MYO18B: variants seen among roughly 807,000 people sequenced by gnomAD.
The protein encoded by MYO18B is unconventional myosin-XVIIIb.
Under a neutral mutation model 273.0 loss-of-function variants are expected in MYO18B, and 204 were observed. The ratio of observed to expected loss-of-function variants is 0.75; its 90% CI spans 0.67 to 0.84. The LOEUF is 0.84. Ranked by LOEUF, MYO18B falls within the 40% of genes least tolerant of loss-of-function variation. MYO18B has a pLI of 0.00. For missense variants in MYO18B, 3,212 were observed against 3,287.6 expected, an observed-to-expected ratio of 0.98 and a Z score of 0.56; for synonymous variants, 1,330 against 1,305.7, an observed-to-expected ratio of 1.02 and a Z score of -0.40.
At chr22:25,810,376 G>A (rs2088689087) in intron 12 of MYO18B, among the ~76,000 whole-genome samples, 1 of 148,394 alleles carries the variant, frequency 6.7e-6, no homozygotes, top group African/African-American at 2.5e-5. Flanking sequence ...GGGATTACAG[G>A]TGTGAGCCAC....
At chr22:25,759,154 C>T (rs1280081847) in intron 1 of MYO18B, among the ~76,000 whole-genome samples, 2 of 152,064 alleles carry the variant, frequency 1.3e-5, no homozygotes, top group Non-Finnish European at 2.9e-5. Flanking sequence ...TTATGACATA[C>T]AAATAATACC....
At chr22:26,058,670 G>A in the MYO18B span, among the ~76,000 whole-genome samples, 7 of 152,182 alleles carry the variant, frequency 4.6e-5, no homozygotes, top group Admixed American at 2.0e-4. Context: ...TCCTGCAAGC[G>A]CTGGTTGTTA....
At chr22:25,902,485 C>T (rs1601527206) in intron 29 of MYO18B, 128 bp from the exon 30 acceptor site, 2 of 1,056,546 alleles carry the variant, frequency 1.9e-6, no homozygotes, top group Non-Finnish European at 2.6e-6. Flanking sequence ...CTCTCTTCTT[C>T]CTTTTGCTCT....
the MYO18B span, among the ~76,000 whole-genome samples, chr22:26,052,677 T>G: frequency 0.076 from 11,578 of 152,018 alleles, 498 homozygotes; most frequent in Middle Eastern, 0.15. Context: ...TTTGATTAAG[T>G]GTTGAGAATT....
At chr22:25,780,870 T>G (rs1208647828) in intron 9 of MYO18B, among the ~76,000 whole-genome samples, 1 of 152,196 alleles carries the variant, frequency 6.6e-6, no homozygotes, top group Non-Finnish European at 1.5e-5. Context: ...GCCAGCCTTC[T>G]GCAGCAGTCC....
chr22:26,038,051 G>A, the MYO18B span, among the ~76,000 whole-genome samples: 1 of 152,198 alleles, frequency 6.6e-6, no homozygotes, highest in African/African-American at 2.4e-5. Flanking sequence ...TGCAGAAACA[G>A]GACCAGAGAA....
chr22:25,942,402 C>G (rs968823482), intron 34 of MYO18B, among the ~76,000 whole-genome samples: 2 of 152,248 alleles, frequency 1.3e-5, no homozygotes, highest in African/African-American at 4.8e-5. Context: ...CTGATGCTGC[C>G]TAAGAGGTTT....
chr22:25,880,698 C>A (rs1230100202), intron 25 of MYO18B, among the ~76,000 whole-genome samples: 1 of 152,232 alleles, frequency 6.6e-6, no homozygotes, highest in African/African-American at 2.4e-5. Flanking sequence ...TGTCCTTACA[C>A]AAGGTCTCCA....
intron 7 of MYO18B, 77 bp from the exon 8 acceptor site, chr22:25,777,506 T>C (rs1228532838): frequency 7.2e-7 from 1 of 1,380,728 alleles, no homozygotes; most frequent in Non-Finnish European, 9.6e-7. Flanking sequence ...ACCCTAGGCC[T>C]GGGGCGGGGC....
intron 39 of MYO18B, among the ~76,000 whole-genome samples, chr22:25,980,566 A>C (rs530625685): frequency 4.6e-5 from 7 of 152,314 alleles, no homozygotes; most frequent in Non-Finnish European, 8.8e-5. Flanking sequence ...GATGTTATCT[A>C]TACTCATACG....
At chr22:26,009,519 C>G (rs1261162546) in intron 42 of MYO18B, among the ~76,000 whole-genome samples, 1 of 152,212 alleles carries the variant, frequency 6.6e-6, no homozygotes, top group Non-Finnish European at 1.5e-5. Context: ...ACTCCACATT[C>G]ATGCCTCAAT....
intron 1 of MYO18B, among the ~76,000 whole-genome samples, chr22:25,750,642 C>T (rs2085905249): frequency 6.6e-6 from 1 of 152,158 alleles, no homozygotes; most frequent in Admixed American, 6.5e-5. Context: ...ACCAACCAGA[C>T]TATGGGCAAG....
At chr22:25,918,618 A>C (rs979700087) in intron 33 of MYO18B, among the ~76,000 whole-genome samples, 16 of 152,194 alleles carry the variant, frequency 1.1e-4, no homozygotes, top group African/African-American at 3.9e-4. Flanking sequence ...GAAAGGAGTT[A>C]GTGCCAGCAT....
chr22:26,006,911 G>A (rs1934475336), intron 42 of MYO18B, among the ~76,000 whole-genome samples: 1 of 152,212 alleles, frequency 6.6e-6, no homozygotes, highest in Non-Finnish European at 1.5e-5. Flanking sequence ...TGTTACAGAA[G>A]AGAAATCTGA....
chr22:25,811,981 G>A (rs1352779675), intron 12 of MYO18B, among the ~76,000 whole-genome samples: 1 of 152,094 alleles, frequency 6.6e-6, no homozygotes, highest in African/African-American at 2.4e-5. Flanking sequence ...AAATCTATGG[G>A]GTAAATACTA....
intron 12 of MYO18B, 85 bp downstream of exon 12, chr22:25,798,182 G>T: frequency 2.8e-6 from 4 of 1,442,482 alleles, no homozygotes; most frequent in East Asian, 2.5e-5. Context: ...CGGAGCGGTG[G>T]GAACAGGGTC....
intron 29 of MYO18B, chr22:25,899,316 A>G (rs189864107): frequency 2.0e-5 from 3 of 152,350 alleles, no homozygotes; most frequent in South Asian, 2.1e-4. Context: ...AAAGGTATAC[A>G]GGGGTCCTGT....
chr22:25,893,455 C>T (rs1443314870), intron 27 of MYO18B, among the ~76,000 whole-genome samples: 1 of 152,136 alleles, frequency 6.6e-6, no homozygotes, highest in East Asian at 1.9e-4. Context: ...AACAGTTTCC[C>T]CTCTTGTTCG....
chr22:25,761,191 A>C, intron 2 of MYO18B, 60 bp downstream of exon 2: 1 of 1,589,764 alleles, frequency 6.3e-7, no homozygotes, highest in Non-Finnish European at 8.6e-7. Context: ...GACCCTCGGG[A>C]GACAAGTCCG....
Sources: allele counts gnomAD v4.1 joint callset (sites outside exome capture counted in the v4.1 genomes callset), GRCh38; gene constraint gnomAD v4.1.1; transcripts MANE v1.5; gene names NCBI Gene and HGNC (gene_info 2026-07-23, HGNC 2026-07-21).